Variants in KIAA2012 observed in about 807,000 individuals in gnomAD.
The protein encoded by KIAA2012 is uncharacterized protein KIAA2012.
Under a neutral mutation model 150.6 loss-of-function variants are expected in KIAA2012, and 125 were observed. That is an observed-to-expected ratio of 0.83 (90% CI 0.72 to 0.96). The LOEUF is 0.96. KIAA2012 is among the 40% of genes least tolerant of loss of function. The pLI is 0.00. For missense variants in KIAA2012, 1,219 were observed against 1,354.9 expected, an observed-to-expected ratio of 0.90 and a Z score of 1.57; for synonymous variants, 462 against 504.7, an observed-to-expected ratio of 0.92 and a Z score of 1.13.
intron 2 of KIAA2012, among the ~76,000 whole-genome samples, chr2:202,075,401 A>G (rs1414747065): frequency 2.6e-5 from 4 of 152,252 alleles, no homozygotes; most frequent in Non-Finnish European, 5.9e-5. Context: ...TCTGAAAACC[A>G]TAAAGGGCTA....
At chr2:202,141,380 G>C (rs892705085) in intron 13 of KIAA2012, among the ~76,000 whole-genome samples, 6 of 152,112 alleles carry the variant, frequency 3.9e-5, no homozygotes, top group African/African-American at 1.4e-4. Context: ...GGGGTGAGGT[G>C]GTGGGGGCAG....
intron 5 of KIAA2012, 104 bp downstream of exon 5, chr2:202,097,681 C>T (rs944522441): frequency 4.0e-5 from 53 of 1,309,798 alleles, no homozygotes; most frequent in Non-Finnish European, 9.4e-6. Flanking sequence ...CCTCCGCCTC[C>T]TGGGTTCAAG....
At chr2:202,181,709 C>A (rs1423440811) in intron 15 of KIAA2012, among the ~76,000 whole-genome samples, 10 of 152,234 alleles carry the variant, frequency 6.6e-5, no homozygotes, top group African/African-American at 1.9e-4. Flanking sequence ...TACATGAAAG[C>A]AAATACACCA....
chr2:202,119,586 T>A (rs1361772970), intron 11 of KIAA2012, among the ~76,000 whole-genome samples: 1 of 152,146 alleles, frequency 6.6e-6, no homozygotes, highest in Non-Finnish European at 1.5e-5. Context: ...CTGGTTGAAG[T>A]GGAGATGGTC....
chr2:202,132,323 G>C (rs1690950183), intron 12 of KIAA2012, among the ~76,000 whole-genome samples: 1 of 152,132 alleles, frequency 6.6e-6, no homozygotes, highest in African/African-American at 2.4e-5. Flanking sequence ...GATAAGACTA[G>C]GGACTGGGAC....
rs1021489020 is a variant in KIAA2012, at chr2:202,138,522, T to A, written c.1908+14T>A. 1.9e-5 allele frequency: 30 copies of A among 1,539,840 alleles called. No individual in the cohort carries two copies. The highest frequency in any genetic ancestry group is 2.6e-5 in the Non-Finnish European group (30 of 1,137,738). ...ACAGAGAAGCAGGTATAGTATTGAC[T>A]CTGAATGAGGATGACACTAGGAGTC... On this transcript the variant is annotated intron_variant, in intron 13 of 23. Transcript: ENST00000498697.
intron 15 of KIAA2012, among the ~76,000 whole-genome samples, chr2:202,171,170 GAC>G (rs1389014012): frequency 1.4e-5 from 2 of 144,786 alleles, no homozygotes; most frequent in Non-Finnish European, 3.0e-5. Flanking sequence ...TTCATACATA[GAC>G]ACACACACAG....
chr2:202,155,003 C>T (rs1004994737), intron 14 of KIAA2012, among the ~76,000 whole-genome samples, 193 bp downstream of exon 14: 1 of 152,086 alleles, frequency 6.6e-6, no homozygotes, highest in African/African-American at 2.4e-5. Flanking sequence ...AGCCAGCCAT[C>T]GGGGACAAAT....
At chr2:202,150,142 T>C (rs533166546) in intron 13 of KIAA2012, among the ~76,000 whole-genome samples, 299 of 152,368 alleles carry the variant, frequency 2.0e-3, no homozygotes, top group African/African-American at 6.8e-3. Flanking sequence ...GATTAGCTCT[T>C]GAATTCATTA....
chr2:202,121,071 A>G (rs996067326), intron 11 of KIAA2012, among the ~76,000 whole-genome samples: 1 of 152,124 alleles, frequency 6.6e-6, no homozygotes, highest in African/African-American at 2.4e-5. Flanking sequence ...CCTTAAAAGG[A>G]AACTGTTTGC....
intron 11 of KIAA2012, among the ~76,000 whole-genome samples, chr2:202,124,905 C>G (rs1690743150): frequency 6.6e-6 from 1 of 152,120 alleles, no homozygotes; most frequent in African/African-American, 2.4e-5. Context: ...CCCATCTCTA[C>G]TAAAAATCCA....
intron 22 of KIAA2012, 94 bp downstream of exon 22, chr2:202,197,113 GA>G (rs1692430742): frequency 6.6e-7 from 1 of 1,524,248 alleles, no homozygotes. Flanking sequence ...CTTTAGACAA[GA>G]AAAGTCCCCC....
chr2:202,153,011 A>T (rs974837860), intron 13 of KIAA2012, among the ~76,000 whole-genome samples: 3 of 152,184 alleles, frequency 2.0e-5, no homozygotes, highest in Non-Finnish European at 2.9e-5. Flanking sequence ...AATAAATTTT[A>T]TCTTTGGAAA....
Position 202,193,432 on chromosome 2 carries a change from G to A in KIAA2012, c.2943G>A (p.Glu981=). ...EQEEQRQLQQ[E]QLERAKKMEE... ...AAGAGCAAAGGCAGCTCCAGCAGGA[G>A]CAGCTGGAGAGAGCAAAAAAGATGG... Residue 981 remains glutamate, a synonymous_variant, in exon 20 of 24, where the codon GAG becomes GAA. Transcript: ENST00000498697. 1 of 1,550,376 alleles carries A rather than the reference G, an allele frequency of 6.5e-7. No homozygotes were observed. Among genetic ancestry groups the A allele is most frequent in the Middle Eastern group, 1.7e-4 (1 of 5,902 alleles).
At chr2:202,086,719 C>T (rs982529854) in intron 2 of KIAA2012, among the ~76,000 whole-genome samples, 1 of 152,164 alleles carries the variant, frequency 6.6e-6, no homozygotes, top group Admixed American at 6.6e-5. Flanking sequence ...AATAGTAAGC[C>T]ATGTTTTCTT....
chr2:202,112,763 A>G (rs899045328), intron 10 of KIAA2012, among the ~76,000 whole-genome samples: 1 of 152,190 alleles, frequency 6.6e-6, no homozygotes, highest in Admixed American at 6.5e-5. Context: ...TGGGGAATAA[A>G]TGACTTGTTT....
chr2:202,102,840 G>T, intron 7 of KIAA2012, 106 bp from the exon 8 acceptor site: 4 of 1,114,210 alleles, frequency 3.6e-6, no homozygotes, highest in Non-Finnish European at 5.0e-6. Flanking sequence ...ACCTCTCTCA[G>T]CAGCTCCTGG....
intron 14 of KIAA2012, among the ~76,000 whole-genome samples, chr2:202,163,438 T>C (rs1691697934): frequency 6.6e-6 from 1 of 152,228 alleles, no homozygotes; most frequent in Non-Finnish European, 1.5e-5. Context: ...AGATAGTTCT[T>C]TTGACACTCT....
In KIAA2012 at chr2:202,167,187, A is replaced by AAAAAC. The variant is rs1553560942; in HGVS notation, c.2119+1831_2119+1832insAAAAC. Among the ~76,000 whole-genome samples the AAAAAC allele has an allele frequency of 5.9e-4, 89 of 152,012 alleles. 1 individual carries two copies. Among genetic ancestry groups the AAAAAC allele is most frequent in the African/African-American group, 1.5e-3 (62 of 41,434 alleles). ...AGACTCCGTCTCAAAAAAAAAAAAA[A>AAAAAC]CTTTCCACTCCTCTACCCCTGTCCA... On this transcript the variant is annotated intron_variant, in intron 15 of 23. Transcript: ENST00000498697.
Sources: allele counts gnomAD v4.1 joint callset (sites outside exome capture counted in the v4.1 genomes callset), GRCh38; gene constraint gnomAD v4.1.1; transcripts MANE v1.5; gene names NCBI Gene and HGNC (gene_info 2026-07-23, HGNC 2026-07-21).